MAGI2: variants seen among roughly 807,000 people sequenced by gnomAD.
MAGI2 encodes the protein membrane associated guanylate kinase, WW and PDZ domain containing 2, also known as membrane-associated guanylate kinase, WW and PDZ domain-containing protein 2.
In MAGI2, 35 loss-of-function variants were observed where a neutral mutation model predicts 133.3. That is an observed-to-expected ratio of 0.26 (90% CI 0.20 to 0.35). MAGI2 has a LOEUF of 0.35. Among genes scored for constraint, MAGI2 ranks in the 10% least tolerant of loss-of-function variants. The pLI is 1.00. For missense variants in MAGI2, 1,636 were observed against 1,863.4 expected, an observed-to-expected ratio of 0.88 and a Z score of 2.25; for synonymous variants, 729 against 710.6, an observed-to-expected ratio of 1.03 and a Z score of -0.41.
intron 3 of MAGI2, among the ~76,000 whole-genome samples, chr7:78,581,432 G>T (rs1802826607): frequency 6.6e-6 from 1 of 152,124 alleles, no homozygotes; most frequent in Non-Finnish European, 1.5e-5. Context: ...CACCAGGGTG[G>T]GTACAGATAT....
At chr7:79,155,668 A>G (rs938629435) in intron 1 of MAGI2, among the ~76,000 whole-genome samples, 3 of 152,204 alleles carry the variant, frequency 2.0e-5, no homozygotes, top group Admixed American at 1.3e-4. Flanking sequence ...GACAGAGGGT[A>G]TAGCATGTGC....
At chr7:78,439,027 C>T (rs1787336590) in intron 6 of MAGI2, among the ~76,000 whole-genome samples, 1 of 152,114 alleles carries the variant, frequency 6.6e-6, no homozygotes, top group South Asian at 2.1e-4. Context: ...TCCTGGTGAA[C>T]CTGAAGAGTA....
chr7:78,835,486 T>A (rs1380972464), intron 2 of MAGI2, among the ~76,000 whole-genome samples: 1 of 152,188 alleles, frequency 6.6e-6, no homozygotes, highest in South Asian at 2.1e-4. Context: ...AAAATATTAT[T>A]CTCCCATAGT....
intron 20 of MAGI2, among the ~76,000 whole-genome samples, chr7:78,088,336 C>CTCTTCT (rs1294531783): frequency 6.6e-6 from 1 of 152,176 alleles, no homozygotes; most frequent in African/African-American, 2.4e-5. Flanking sequence ...CTTCTCTCCT[C>CTCTTCT]TCTGACCTCT....
chr7:78,300,884 C>T (rs1045443873), intron 9 of MAGI2, among the ~76,000 whole-genome samples: 1 of 152,154 alleles, frequency 6.6e-6, no homozygotes, highest in Non-Finnish European at 1.5e-5. Context: ...AGGCTTTCAC[C>T]TGATCTCAAT....
chr7:79,287,136 T>A (rs944417540), intron 1 of MAGI2, among the ~76,000 whole-genome samples: 3 of 152,066 alleles, frequency 2.0e-5, no homozygotes, highest in African/African-American at 7.2e-5. Context: ...AGCATCAGCA[T>A]CACCTGGGAG....
chr7:78,364,606 A>G (rs1406461220), intron 7 of MAGI2, among the ~76,000 whole-genome samples: 2 of 152,240 alleles, frequency 1.3e-5, no homozygotes, highest in African/African-American at 4.8e-5. Context: ...AACTACAGTT[A>G]TATGGTTTGC....
chr7:79,339,236 T>G (rs1840706461), intron 1 of MAGI2, among the ~76,000 whole-genome samples: 1 of 152,144 alleles, frequency 6.6e-6, no homozygotes, highest in Non-Finnish European at 1.5e-5. Context: ...GTCAAACATT[T>G]CTATTTTTAG....
intron 2 of MAGI2, among the ~76,000 whole-genome samples, chr7:78,666,784 A>G (rs1053999485): frequency 6.6e-6 from 1 of 152,214 alleles, no homozygotes; most frequent in Non-Finnish European, 1.5e-5. Context: ...AGAAAGAAAC[A>G]GATTCAAAGG....
chr7:78,694,708 T>A (rs2151131665), intron 2 of MAGI2, among the ~76,000 whole-genome samples: 1 of 152,290 alleles, frequency 6.6e-6, no homozygotes, highest in Admixed American at 6.5e-5. Flanking sequence ...AGATTTGTCA[T>A]TTACTAACTG....
At chr7:78,129,131 G>A (rs1821288465) in intron 18 of MAGI2, among the ~76,000 whole-genome samples, 2 of 152,136 alleles carry the variant, frequency 1.3e-5, no homozygotes, top group Non-Finnish European at 2.9e-5. Flanking sequence ...CCAACCAAAT[G>A]TGACATGAGG....
chr7:78,625,755 A>G (rs1490211679), intron 3 of MAGI2, among the ~76,000 whole-genome samples: 1 of 152,138 alleles, frequency 6.6e-6, no homozygotes, highest in Non-Finnish European at 1.5e-5. Context: ...CCATATTTTT[A>G]ACTTAACCTT....
chr7:78,281,949 T>C (rs1352038458), intron 9 of MAGI2, among the ~76,000 whole-genome samples: 1 of 152,072 alleles, frequency 6.6e-6, no homozygotes, highest in East Asian at 1.9e-4. Flanking sequence ...TTCACTTTCA[T>C]TTCTTACAGA....
chr7:78,476,632 C>A (rs1791779805), intron 6 of MAGI2, among the ~76,000 whole-genome samples: 1 of 151,908 alleles, frequency 6.6e-6, no homozygotes, highest in Non-Finnish European at 1.5e-5. Context: ...TATCAAAACA[C>A]AAAATAATGT....
chr7:78,503,886 T>A (rs1022607070), intron 4 of MAGI2, among the ~76,000 whole-genome samples: 1 of 151,808 alleles, frequency 6.6e-6, no homozygotes, highest in African/African-American at 2.4e-5. Context: ...TCCTGAGGCC[T>A]CCTCAGCCAT....
chr7:78,192,604 G>A (rs1004627127), intron 12 of MAGI2, among the ~76,000 whole-genome samples: 1 of 151,266 alleles, frequency 6.6e-6, no homozygotes. Flanking sequence ...AGAGAAAGTG[G>A]CGCCATGCTC....
intron 1 of MAGI2, among the ~76,000 whole-genome samples, chr7:79,321,463 C>T (rs1211163155): frequency 2.3e-5 from 1 of 43,656 alleles, no homozygotes; most frequent in African/African-American, 8.1e-5. Context: ...CAAGTAGATC[C>T]AACCACGTTA....
At chr7:78,884,711 C>T (rs565688195) in intron 2 of MAGI2, among the ~76,000 whole-genome samples, 1 of 152,244 alleles carries the variant, frequency 6.6e-6, no homozygotes, top group South Asian at 2.1e-4. Flanking sequence ...AATGGTTATA[C>T]ACTTTTGGTG....
At chr7:78,785,657 G>A (rs1826756369) in intron 2 of MAGI2, among the ~76,000 whole-genome samples, 1 of 152,116 alleles carries the variant, frequency 6.6e-6, no homozygotes, top group Non-Finnish European at 1.5e-5. Context: ...TTTTGAGAAA[G>A]CCATACTATT....
Sources: gnomAD v4.1 joint callset for allele counts (sites outside exome capture counted in the v4.1 genomes callset) on GRCh38, gnomAD v4.1.1 for gene constraint, MANE v1.5 for transcripts, NCBI Gene and HGNC (gene_info 2026-07-23, HGNC 2026-07-21) for gene names.